KCNN3: variants seen among roughly 807,000 people sequenced by gnomAD.
KCNN3 encodes potassium calcium-activated channel subfamily N member 3.
KCNN3 carries 16 observed loss-of-function variants against 62.9 expected under a neutral mutation model. The ratio of observed to expected loss-of-function variants is 0.25; its 90% CI spans 0.17 to 0.39. The LOEUF (loss-of-function observed/expected upper bound fraction) is 0.39. Ranked by LOEUF, KCNN3 falls within the 10% of genes least tolerant of loss-of-function variation. The probability of loss-of-function intolerance (pLI) is 1.00; values close to 1 mark genes in which losing one functional copy is unlikely to be tolerated. For synonymous variants in KCNN3, 370 were observed against 389.2 expected, an observed-to-expected ratio of 0.95 and a Z score of 0.58; for missense variants, 599 against 949.4, an observed-to-expected ratio of 0.63 and a Z score of 4.85.
chr1:154,797,963 T>C (rs948444662), intron 2 of KCNN3, among the ~76,000 whole-genome samples: 5 of 152,188 alleles, frequency 3.3e-5, no homozygotes, highest in Non-Finnish European at 7.3e-5. Context: ...ACTCTCTGGC[T>C]CTAATTGTCT....
At chr1:154,762,385 A>G (rs1424535298) in intron 3 of KCNN3, among the ~76,000 whole-genome samples, 1 of 152,176 alleles carries the variant, frequency 6.6e-6, no homozygotes, top group Non-Finnish European at 1.5e-5. Context: ...TTCTCCTTGT[A>G]GTTATAATTT....
intron 1 of KCNN3, chr1:154,868,072 C>T (rs1415580578): frequency 1.0e-6 from 1 of 985,598 alleles, no homozygotes; most frequent in East Asian, 1.1e-4. Flanking sequence ...TCCATCCGGG[C>T]GCGCACTCAC....
intron 1 of KCNN3, among the ~76,000 whole-genome samples, chr1:154,848,854 T>G (rs1217446025): frequency 6.6e-6 from 1 of 152,218 alleles, no homozygotes; most frequent in East Asian, 1.9e-4. Flanking sequence ...TAGCACAGTC[T>G]GCCTTGCCTC....
At chr1:154,828,493 A>G (rs1163992924) in intron 1 of KCNN3, among the ~76,000 whole-genome samples, 1 of 152,228 alleles carries the variant, frequency 6.6e-6, no homozygotes, top group Non-Finnish European at 1.5e-5. Context: ...TGGGGGGGCT[A>G]ACGAAGATGT....
chr1:154,861,824 T>G (rs1235459059), intron 1 of KCNN3, among the ~76,000 whole-genome samples: 1 of 152,136 alleles, frequency 6.6e-6, no homozygotes, highest in Non-Finnish European at 1.5e-5. Context: ...TTGCGAAGCC[T>G]CGGCACAGGA....
chr1:154,777,773 G>A (rs1187931316), intron 2 of KCNN3, among the ~76,000 whole-genome samples: 1 of 152,206 alleles, frequency 6.6e-6, no homozygotes, highest in Non-Finnish European at 1.5e-5. Flanking sequence ...GTACTGAGGT[G>A]ATGTGGACAG....
Position 154,869,998 on chromosome 1 carries a change from C to T in KCNN3, c.-34G>A. The T allele has an allele frequency of 6.2e-7, 1 of 1,601,592 alleles. No homozygotes were observed. The highest frequency in any genetic ancestry group is 1.1e-5 in the South Asian group (1 of 89,174). On this transcript the variant is annotated 5_prime_UTR_variant, in exon 1 of 8. Coordinates refer to ENST00000271915, the MANE Select transcript of KCNN3 (RefSeq NM_002249.6). This position sits in a 1 kb window ranked among gnomAD's most constrained non-coding sequence, Gnocchi z 6.1. ...CTGGCTGTATTCCCTGCAGCACAAGCCCCCACCCCAAAGCCACCCTCGCTC... is the reference window on the plus strand; with the variant it reads ...CTGGCTGTATTCCCTGCAGCACAAGTCCCCACCCCAAAGCCACCCTCGCTC...
In KCNN3 at chr1:154,709,251, A is replaced by G. The variant is rs1200061683; in HGVS notation, c.1900-979T>C. On this transcript the variant is annotated intron_variant, in intron 7 of 7. Coordinates refer to ENST00000271915, the MANE Select transcript of KCNN3 (RefSeq NM_002249.6). ...TTAGCAAATGCCATCTTGGCTGTGT[A>G]CATCAGACTTGGGAACAAGATTCAC... is the stretch of plus-strand genomic sequence containing the variant. Among the ~76,000 whole-genome samples, 3 of 152,246 alleles carry G rather than the reference A, an allele frequency of 2.0e-5. No homozygotes were observed. The East Asian group carries it at 5.8e-4, about 29-fold the overall frequency.
chr1:154,818,678 C>T (rs1226374933), intron 2 of KCNN3, among the ~76,000 whole-genome samples: 1 of 152,194 alleles, frequency 6.6e-6, no homozygotes, highest in African/African-American at 2.4e-5. Context: ...GCAGCCCTCA[C>T]CAGACAACTG....
At chr1:154,799,487 G>A (rs1649865435) in intron 2 of KCNN3, among the ~76,000 whole-genome samples, 1 of 152,196 alleles carries the variant, frequency 6.6e-6, no homozygotes, top group Non-Finnish European at 1.5e-5. Flanking sequence ...AAAGAGCGTA[G>A]CCAGAGTCTC....
chr1:154,771,306 C>A (rs1210584924), intron 3 of KCNN3, among the ~76,000 whole-genome samples: 1 of 152,152 alleles, frequency 6.6e-6, no homozygotes, highest in East Asian at 1.9e-4. Flanking sequence ...CTGAATGACT[C>A]CCAACCACCA....
chr1:154,751,217 T>C (rs1030542647), intron 3 of KCNN3, among the ~76,000 whole-genome samples: 1 of 152,202 alleles, frequency 6.6e-6, no homozygotes, highest in Non-Finnish European at 1.5e-5. Context: ...GGCTTTGGTT[T>C]CCTCGTGTGT....
chr1:154,803,992 C>T (rs1183558020), intron 2 of KCNN3, among the ~76,000 whole-genome samples: 1 of 152,242 alleles, frequency 6.6e-6, no homozygotes, highest in Non-Finnish European at 1.5e-5. Flanking sequence ...CCGTGCAACT[C>T]TGCATTTTCC....
At chr1:154,803,497 G>C (rs1387539646) in intron 2 of KCNN3, among the ~76,000 whole-genome samples, 2 of 152,192 alleles carry the variant, frequency 1.3e-5, no homozygotes, top group Non-Finnish European at 2.9e-5. Flanking sequence ...TCTGCCTTGA[G>C]ACAGTTGTTT....
At chr1:154,796,304 C>G (rs762888098) in intron 2 of KCNN3, among the ~76,000 whole-genome samples, 1 of 152,210 alleles carries the variant, frequency 6.6e-6, no homozygotes, top group Non-Finnish European at 1.5e-5. Flanking sequence ...CACTCCAGAT[C>G]TGAATTCTTG....
At chr1:154,832,452 G>A (rs1355077157) in intron 1 of KCNN3, among the ~76,000 whole-genome samples, 1 of 151,930 alleles carries the variant, frequency 6.6e-6, no homozygotes, top group Admixed American at 6.6e-5. Context: ...CAGAGTTACA[G>A]TGAAACACTT....
intron 3 of KCNN3, among the ~76,000 whole-genome samples, chr1:154,761,700 A>C (rs751791333): frequency 7.2e-5 from 11 of 152,138 alleles, no homozygotes; most frequent in Non-Finnish European, 1.3e-4. Flanking sequence ...GCACTTTGAG[A>C]GGCCGAGGCA....
intron 3 of KCNN3, among the ~76,000 whole-genome samples, chr1:154,760,881 A>G (rs1041554152): frequency 6.6e-6 from 1 of 152,242 alleles, no homozygotes; most frequent in Non-Finnish European, 1.5e-5. Flanking sequence ...GGCCCCGCAA[A>G]GGCGCCCCGC....
Position 154,772,237 on chromosome 1 carries a change from G to A in KCNN3, c.1186C>T (p.Pro396Ser). Residue 396 changes from proline (P) to serine (S), a missense_variant, in exon 3 of 8, where the codon CCC (proline) becomes TCC (serine). Pro to Ser is a moderately conservative substitution (Grantham distance 74). Transcript: ENST00000271915. This position sits in a 1 kb window ranked among gnomAD's most constrained non-coding sequence, Gnocchi z 5.6. Reference protein sequence around the residue: ...WTARLAFSYTPSRAEADVDII... With the variant: ...WTARLAFSYTSSRAEADVDII... ...TCCACATCGGCCTCCGCCCGGGAGG[G>A]TGTGTAGGAGAAGGCCAGGCGTGCC... 1 of 1,614,246 alleles carries A rather than the reference G, an allele frequency of 6.2e-7. No individual in the cohort carries two copies. Among genetic ancestry groups the A allele is most frequent in the Non-Finnish European group, 8.5e-7 (1 of 1,180,048 alleles).
Sources: gnomAD v4.1 joint callset for allele counts (sites outside exome capture counted in the v4.1 genomes callset) on GRCh38, gnomAD v4.1.1 for gene constraint, Gnocchi (gnomAD v3.1) non-coding constraint, MANE v1.5 for transcripts, NCBI Gene and HGNC (gene_info 2026-07-23, HGNC 2026-07-21) for gene names.